Variants in SLC2A9 observed in about 807,000 individuals in gnomAD.
SLC2A9 encodes the protein solute carrier family 2 member 9, also known as solute carrier family 2, facilitated glucose transporter member 9.
A neutral mutation model predicts 50.6 loss-of-function variants in SLC2A9; 39 were observed. The ratio of observed to expected loss-of-function variants is 0.77; its 90% CI spans 0.60 to 1.01. The LOEUF (loss-of-function observed/expected upper bound fraction) is 1.01, where lower values mean the gene tolerates loss of function less well. SLC2A9 is among the 50% of genes least tolerant of loss of function. The pLI is 0.00. For synonymous variants in SLC2A9, 324 were observed against 276.9 expected (o/e 1.17, Z -1.69); for missense variants, 686 against 677.6 (o/e 1.01, Z -0.14).
intron 7 of SLC2A9, among the ~76,000 whole-genome samples, chr4:9,912,992 T>C (rs1742123868): frequency 6.6e-6 from 1 of 152,242 alleles, no homozygotes; most frequent in Non-Finnish European, 1.5e-5. Flanking sequence ...TGCTGCTGAC[T>C]TGCAGATGCA....
At chr4:9,788,713 T>C (rs1467261209) in intron 3 of SLC2A9, among the ~76,000 whole-genome samples, 1 of 152,224 alleles carries the variant, frequency 6.6e-6, no homozygotes, top group Non-Finnish European at 1.5e-5. Context: ...TATCCATACT[T>C]ATCATGATAT....
chr4:9,802,724 A>G (rs1456137120), intron 3 of SLC2A9, among the ~76,000 whole-genome samples: 1 of 151,672 alleles, frequency 6.6e-6, no homozygotes, highest in Non-Finnish European at 1.5e-5. Context: ...ACGCCTGGCC[A>G]ATTTTGTTTT....
chr4:9,947,699 T>A (rs1431495842), intron 5 of SLC2A9, among the ~76,000 whole-genome samples: 1 of 152,020 alleles, frequency 6.6e-6, no homozygotes, highest in Non-Finnish European at 1.5e-5. Context: ...TTTATCAAAC[T>A]CTCACACTCT....
At chr4:9,914,708 G>A (rs191513628) in intron 7 of SLC2A9, among the ~76,000 whole-genome samples, 165 of 152,242 alleles carry the variant, frequency 1.1e-3, no homozygotes, top group South Asian at 1.9e-3. Flanking sequence ...AATTGCTATG[G>A]TGGTGAGAAC....
chr4:9,785,575 A>G (rs1185414904), intron 3 of SLC2A9, among the ~76,000 whole-genome samples: 1 of 152,256 alleles, frequency 6.6e-6, no homozygotes, highest in African/African-American at 2.4e-5. Context: ...TGTGAAAAAC[A>G]CTGTTCTAGG....
chr4:9,928,974 A>C (rs967397141), intron 6 of SLC2A9, among the ~76,000 whole-genome samples: 6 of 152,232 alleles, frequency 3.9e-5, no homozygotes, highest in African/African-American at 1.4e-4. Context: ...TCAACTCCCA[A>C]AACATTTCAT....
intron 2 of SLC2A9, among the ~76,000 whole-genome samples, chr4:10,002,295 A>G (rs1044306474): frequency 1.3e-5 from 2 of 152,218 alleles, no homozygotes; most frequent in African/African-American, 4.8e-5. Flanking sequence ...AACTATGGAA[A>G]TACAGAAACT....
intron 5 of SLC2A9, among the ~76,000 whole-genome samples, chr4:9,977,700 C>T (rs1423077956): frequency 6.6e-6 from 1 of 152,116 alleles, no homozygotes; most frequent in Non-Finnish European, 1.5e-5. Context: ...TCCTACTCAT[C>T]CTCAAGCCAT....
At chr4:10,018,931 C>G in intron 2 of SLC2A9, 44 bp downstream of exon 2, 6 of 1,539,544 alleles carry the variant, frequency 3.9e-6, no homozygotes, top group Non-Finnish European at 4.4e-6. Flanking sequence ...CGAAGGTTTC[C>G]GCAGGGCCGC....
chr4:10,039,851 A>T (rs1364023536), intron 1 of SLC2A9, among the ~76,000 whole-genome samples: 1 of 152,146 alleles, frequency 6.6e-6, no homozygotes, highest in Non-Finnish European at 1.5e-5. Context: ...GTTCTAGATT[A>T]AGCCTTCACT....
At chr4:9,994,001 A>G (rs1304521781) in intron 3 of SLC2A9, among the ~76,000 whole-genome samples, 3 of 152,108 alleles carry the variant, frequency 2.0e-5, no homozygotes, top group Non-Finnish European at 2.9e-5. Flanking sequence ...CCCCAGCTAT[A>G]CCTTTGAGCA....
intron 8 of SLC2A9, among the ~76,000 whole-genome samples, chr4:9,905,841 G>A (rs1336206482): frequency 6.6e-6 from 1 of 152,126 alleles, no homozygotes; most frequent in African/African-American, 2.4e-5. Flanking sequence ...GTCGGTGGCA[G>A]GGACAGTAGG....
intron 9 of SLC2A9, 139 bp downstream of exon 9, chr4:9,890,471 T>G: frequency 7.3e-6 from 6 of 821,876 alleles, no homozygotes; most frequent in Non-Finnish European, 1.2e-5. Flanking sequence ...GCTCCAGAGA[T>G]GAGATGTCCC....
chr4:9,838,218 A>T (rs181545080), intron 10 of SLC2A9, among the ~76,000 whole-genome samples: 3 of 152,276 alleles, frequency 2.0e-5, no homozygotes, highest in East Asian at 3.9e-4. Flanking sequence ...GTGATGAAGA[A>T]GATGATGATG....
intron 10 of SLC2A9, among the ~76,000 whole-genome samples, chr4:9,860,342 A>T (rs1041821545): frequency 4.6e-5 from 7 of 152,226 alleles, no homozygotes; most frequent in African/African-American, 1.7e-4. Context: ...ACTACTTGTC[A>T]TCCTTATGGA....
chr4:10,022,534 G>A (rs1271635495), upstream of SLC2A9, among the ~76,000 whole-genome samples: 2 of 152,188 alleles, frequency 1.3e-5, no homozygotes, highest in African/African-American at 2.4e-5. Context: ...TGCCTCAGAC[G>A]CCAGAGAAGC....
intron 10 of SLC2A9, among the ~76,000 whole-genome samples, chr4:9,853,154 C>T (rs989683578): frequency 2.4e-5 from 3 of 125,634 alleles, no homozygotes; most frequent in African/African-American, 9.4e-5. Context: ...CCAGCCTGGG[C>T]AACAGAGTGA....
intron 1 of SLC2A9, among the ~76,000 whole-genome samples, chr4:9,774,097 G>A (rs192828427): frequency 6.6e-6 from 1 of 150,942 alleles, no homozygotes; most frequent in Non-Finnish European, 1.5e-5. Context: ...TGGTTCAAGC[G>A]ATTCTTCTCC....
intron 6 of SLC2A9, among the ~76,000 whole-genome samples, chr4:9,941,038 G>T (rs998769793): frequency 6.6e-6 from 1 of 152,206 alleles, no homozygotes; most frequent in Admixed American, 6.5e-5. Context: ...CTGGGGCTCA[G>T]AAAGGTTTAA....
Sources: gnomAD v4.1 joint callset for allele counts (sites outside exome capture counted in the v4.1 genomes callset) on GRCh38, gnomAD v4.1.1 for gene constraint, MANE v1.5 for transcripts, NCBI Gene and HGNC (gene_info 2026-07-23, HGNC 2026-07-21) for gene names.